The following EBF3 variants were observed in gnomAD, a reference collection of about 807,000 sequenced individuals.
EBF3 encodes EBF transcription factor 3.
Under a neutral mutation model 77.1 loss-of-function variants are expected in EBF3, and 18 were observed. That is an observed-to-expected ratio of 0.23 (90% confidence interval 0.16 to 0.35). The LOEUF is 0.35. EBF3 is among the 10% of genes least tolerant of loss of function. The probability of loss-of-function intolerance (pLI) is 1.00; values close to 1 mark genes in which losing one functional copy is unlikely to be tolerated. For synonymous variants in EBF3, 350 were observed against 343.5 expected (o/e 1.02, Z -0.21); for missense variants, 558 against 860.0 (o/e 0.65, Z 4.39).
intron 4 of EBF3, 100 bp downstream of exon 4, chr10:129,962,071 A>T: frequency 8.8e-7 from 1 of 1,129,984 alleles, no homozygotes; most frequent in Non-Finnish European, 1.3e-6. Context: ...TCAATGGAAA[A>T]CAAATACACG....
At chr10:129,940,314 T>C (rs1267518655) in intron 6 of EBF3, among the ~76,000 whole-genome samples, 1 of 152,130 alleles carries the variant, frequency 6.6e-6, no homozygotes, top group Non-Finnish European at 1.5e-5. Flanking sequence ...AAGGGGCTCA[T>C]CCAGCTCAGC....
At chr10:129,921,311 TCA>T (rs1380743172) in intron 6 of EBF3, among the ~76,000 whole-genome samples, 1 of 152,086 alleles carries the variant, frequency 6.6e-6, no homozygotes, top group Non-Finnish European at 1.5e-5. Flanking sequence ...AGCAGCATCC[TCA>T]GTCTCAACTC....
At chr10:129,862,014 C>T (rs1409576589) in intron 10 of EBF3, among the ~76,000 whole-genome samples, 1 of 152,144 alleles carries the variant, frequency 6.6e-6, no homozygotes, top group African/African-American at 2.4e-5. Context: ...TGAGTGCTTT[C>T]ACAAGGGGAG....
chr10:129,869,396 C>G (rs982465392), intron 8 of EBF3, among the ~76,000 whole-genome samples: 34 of 152,122 alleles, frequency 2.2e-4, no homozygotes, highest in Admixed American at 2.1e-3. Context: ...ACCCGCCCCC[C>G]ACCACCCCGC....
In EBF3 at chr10:129,954,251, C is replaced by T. The variant is rs545761295; in HGVS notation, c.554+3007G>A. ...ACAATGTTATGTTTCTTCTTTGCTCCGTAAGTTGTTATATTATTTTAAATA... is the reference window on the plus strand; with the variant it reads ...ACAATGTTATGTTTCTTCTTTGCTCTGTAAGTTGTTATATTATTTTAAATA... On this transcript the variant is annotated intron_variant, in intron 6 of 16. Transcript: ENST00000440978. Among the ~76,000 whole-genome samples, 10 of 152,000 alleles carry T rather than the reference C, an allele frequency of 6.6e-5. No individual in the cohort carries two copies. The South Asian group carries it at 8.3e-4, about 13-fold the overall frequency.
In EBF3 at chr10:129,864,308, C is replaced by T. The variant is rs564657993; in HGVS notation, c.1039+2833G>A. Among the ~76,000 whole-genome samples, 9 of 152,278 alleles carry T rather than the reference C, an allele frequency of 5.9e-5. No homozygotes were observed. In the South Asian group the frequency reaches 1.9e-3, roughly 32 times the overall value. ...TGGGGGGACGCTGACATCACAGGCT[C>T]CGCCACACCATGTGATACCTGCCAG... On this transcript the variant is annotated intron_variant, in intron 10 of 16. Coordinates refer to ENST00000440978, the MANE Select transcript of EBF3 (RefSeq NM_001375380.1). The surrounding 1 kb of genome is among the most constrained non-coding windows in gnomAD (Gnocchi z 4.4).
intron 6 of EBF3, among the ~76,000 whole-genome samples, chr10:129,945,488 C>T (rs1414632493): frequency 6.6e-6 from 1 of 152,164 alleles, no homozygotes; most frequent in Non-Finnish European, 1.5e-5. Flanking sequence ...CCTCCGGCCT[C>T]CACTGCTAGG....
intron 6 of EBF3, among the ~76,000 whole-genome samples, chr10:129,894,056 C>G (rs1015849390): frequency 5.3e-5 from 8 of 152,186 alleles, no homozygotes; most frequent in Admixed American, 4.6e-4. Context: ...TTAAGTGCCC[C>G]CCTCCTTCCT....
At chr10:129,843,321 T>C (rs1190511479) in intron 11 of EBF3, 119 bp from the exon 12 acceptor site, 12 of 1,066,948 alleles carry the variant, frequency 1.1e-5, no homozygotes, top group Admixed American at 4.2e-5. Flanking sequence ...CGACCCGTCC[T>C]GGCCCTGCCG....
At chr10:129,906,431 C>T (rs1197468082) in intron 6 of EBF3, among the ~76,000 whole-genome samples, 1 of 152,214 alleles carries the variant, frequency 6.6e-6, no homozygotes, top group Non-Finnish European at 1.5e-5. Flanking sequence ...TTTGAATTTC[C>T]GCGCCCTGTA....
chr10:129,905,561 G>A (rs1201632666), intron 6 of EBF3, among the ~76,000 whole-genome samples: 1 of 152,144 alleles, frequency 6.6e-6, no homozygotes, highest in Non-Finnish European at 1.5e-5. Context: ...AGCAGGCTGG[G>A]TCTCTCCAAG....
chr10:129,951,219 T>C (rs1160945825), intron 6 of EBF3, among the ~76,000 whole-genome samples: 9 of 152,242 alleles, frequency 5.9e-5, no homozygotes, highest in African/African-American at 9.6e-5. Flanking sequence ...AGTAATTATT[T>C]GCTTCCTGTA....
At chr10:129,954,379 T>G (rs1476537404) in intron 6 of EBF3, among the ~76,000 whole-genome samples, 1 of 152,028 alleles carries the variant, frequency 6.6e-6, no homozygotes, top group Non-Finnish European at 1.5e-5. Context: ...TTGCAGTGCA[T>G]GAAATGGTTT....
At chr10:129,851,205 C>T (rs1419772777) in intron 10 of EBF3, among the ~76,000 whole-genome samples, 2 of 152,354 alleles carry the variant, frequency 1.3e-5, no homozygotes, top group East Asian at 3.9e-4. Flanking sequence ...TTGTATTGAT[C>T]TCCCAGCTTC....
intron 6 of EBF3, among the ~76,000 whole-genome samples, chr10:129,924,523 G>A (rs548528984): frequency 6.6e-6 from 1 of 152,180 alleles, no homozygotes; most frequent in East Asian, 1.9e-4. Flanking sequence ...TGTGGGTGTG[G>A]ATGAGAAACA....
At chr10:129,884,393 G>C (rs551222037) in intron 6 of EBF3, among the ~76,000 whole-genome samples, 1 of 152,148 alleles carries the variant, frequency 6.6e-6, no homozygotes, top group African/African-American at 2.4e-5. Context: ...CTTAATGTCA[G>C]GCCTCTCTTT....
At chr10:129,953,031 T>TAAAAAA (rs560515814) in intron 6 of EBF3, among the ~76,000 whole-genome samples, 1 of 64,722 alleles carries the variant, frequency 1.5e-5, no homozygotes, top group African/African-American at 6.2e-5. Flanking sequence ...CACTGTTGAC[T>TAAAAAA]AAAAAAAAAA....
rs561663113 is a variant in EBF3, at chr10:129,865,208, G to A, written c.1039+1933C>T. 3.9e-5 allele frequency among the ~76,000 whole-genome samples: 6 copies of A among 152,314 alleles called. No individual in the cohort carries two copies. The East Asian group carries it at 7.7e-4, about 20-fold the overall frequency. The stretch of plus-strand genomic sequence containing the variant: ...TGCCAGAAAGGACCCCCCAGCCCAC[G>A]GTGGGATTCTGACATCTCGCCTTTC... On this transcript the variant is annotated intron_variant, in intron 10 of 16. Transcript: ENST00000440978.
rs151124904 is a variant in EBF3 at position 129,844,552 on chromosome 10, C to T, written c.1129-1350G>A. Among the ~76,000 whole-genome samples, 575 of 152,282 alleles carry T rather than the reference C, an allele frequency of 3.8e-3. 3 individuals carry two copies. Among genetic ancestry groups the T allele is most frequent in the African/African-American group, 0.013 (546 of 41,552 alleles). Reference sequence around the variant, plus strand: ...AACGACTGCCTTCCAAGGACTCACTCGCCTCATTGTTTCCCCATCTCCCCC... The same window carrying T: ...AACGACTGCCTTCCAAGGACTCACTTGCCTCATTGTTTCCCCATCTCCCCC... On this transcript the variant is annotated intron_variant, in intron 11 of 16. Coordinates refer to ENST00000440978, the MANE Select transcript of EBF3 (RefSeq NM_001375380.1).
Sources: allele counts gnomAD v4.1 joint callset (sites outside exome capture counted in the v4.1 genomes callset), GRCh38; gene constraint gnomAD v4.1.1; non-coding constraint Gnocchi (gnomAD v3.1); transcripts MANE v1.5; gene names NCBI Gene and HGNC (gene_info 2026-07-23, HGNC 2026-07-21).